ASB13: variants seen among roughly 807,000 people sequenced by gnomAD.
ASB13 encodes ankyrin repeat and SOCS box containing 13.
A neutral mutation model predicts 28.8 loss-of-function variants in ASB13; 33 were observed. The observed-to-expected ratio is 1.15, with a 90% confidence interval of 0.87 to 1.53. The LOEUF is 1.53. Ranked by LOEUF, ASB13 falls within the 40% of genes most tolerant of loss-of-function variation. The pLI is 0.00. For missense variants in ASB13, 414 were observed against 390.1 expected (o/e 1.06, Z -0.52); for synonymous variants, 182 against 172.9 (o/e 1.05, Z -0.41).
Position 5,641,715 on chromosome 10 carries a change from A to G in ASB13, c.709+55T>C. 2 of 1,509,164 alleles carry G rather than the reference A, an allele frequency of 1.3e-6. No individual in the cohort carries two copies. The highest frequency in any genetic ancestry group is 2.5e-5 in the East Asian group (1 of 40,650). The allele number at this position is 1,509,164 out of a possible 1,614,324, so 93.5% of individuals were successfully genotyped here. ...GAAGCCCACAGGGAGCCGGCACGTC[A>G]GGGGTCCAGGCTGAAGGCTGGAGGG... On this transcript the variant is annotated intron_variant, in intron 5 of 5. Coordinates refer to ENST00000357700, the MANE Select transcript of ASB13 (RefSeq NM_024701.4). The surrounding 1 kb of genome is among the most constrained non-coding windows in gnomAD (Gnocchi z 8.4).
chr10:5,641,527 G>T lies in ASB13; in HGVS notation c.709+243C>A, dbSNP rs896534853. On this transcript the variant is annotated intron_variant, in intron 5 of 5. Transcript: ENST00000357700. This position sits in a 1 kb window ranked among gnomAD's most constrained non-coding sequence, Gnocchi z 8.4. ...GTCCAGCACAGGAGGCACAGGTCTG[G>T]TGCCCGGGCAGGTGTCGGCCACAGC... Among the ~76,000 whole-genome samples, 3 of 152,230 alleles carry T rather than the reference G, an allele frequency of 2.0e-5. No homozygotes were observed. Among genetic ancestry groups the T allele is most frequent in the African/African-American group, 7.2e-5 (3 of 41,460 alleles).
rs1039734158 is a variant in ASB13 at position 5,645,632 on chromosome 10, G to A, written c.517+3338C>T. 3.9e-5 allele frequency among the ~76,000 whole-genome samples: 6 copies of A among 152,110 alleles called. 1 individual carries two copies. Among genetic ancestry groups the A allele is most frequent in the Admixed American group, 2.0e-4 (3 of 15,268 alleles). The stretch of plus-strand genomic sequence containing the variant: ...AAGCACCTGCACTCATGTGGGCCCC[G>A]ACTGGTTCAATCCCTCTCCCCTCTC... On this transcript the variant is annotated intron_variant, in intron 4 of 5. Transcript: ENST00000357700. This position sits in a 1 kb window ranked among gnomAD's most constrained non-coding sequence, Gnocchi z 5.4.
Position 5,640,626 on chromosome 10 carries a change from A to G in ASB13, c.*77T>C, listed in dbSNP as rs1834793439. ...CTATCTACAGCAATCACGCTGCTTC[A>G]GAGGAACAGGCAGAGCCCTCACCCG... On this transcript the variant is annotated 3_prime_UTR_variant, in exon 6 of 6. Coordinates refer to ENST00000357700, the MANE Select transcript of ASB13 (RefSeq NM_024701.4). The G allele has an allele frequency of 6.3e-7, 1 of 1,580,090 alleles. No individual in the cohort carries two copies.
At chr10:5,653,328 G>A (rs1216911421) in intron 1 of ASB13, among the ~76,000 whole-genome samples, 1 of 152,168 alleles carries the variant, frequency 6.6e-6, no homozygotes, top group Non-Finnish European at 1.5e-5. Flanking sequence ...AGGCACAGGT[G>A]CTCACCACTC....
chr10:5,654,745 T>A (rs953759666), intron 1 of ASB13, among the ~76,000 whole-genome samples: 1 of 152,184 alleles, frequency 6.6e-6, no homozygotes, highest in African/African-American at 2.4e-5. Flanking sequence ...CTTACTATTC[T>A]GACATGTCCC....
chr10:5,666,454 G>A, intron 1 of ASB13, 55 bp downstream of exon 1: 2 of 1,261,976 alleles, frequency 1.6e-6, no homozygotes, highest in Non-Finnish European at 2.0e-6. Context: ...TACGCGGCCG[G>A]CCTCAGGAGC....
Position 5,656,460 on chromosome 10 carries a change from A to G in ASB13, c.44-3410T>C, listed in dbSNP as rs1835078096. ...AGGCGGAGGCAGCAGAATCGCTTGA[A>G]CCCAGGAGGCGGAGATTGCAGTGAG... On this transcript the variant is annotated intron_variant, in intron 1 of 5. Transcript: ENST00000357700. This position sits in a 1 kb window ranked among gnomAD's most constrained non-coding sequence, Gnocchi z 4.3. 6.6e-6 allele frequency among the ~76,000 whole-genome samples: 1 copy of G among 151,590 alleles called. No homozygotes were observed. Among genetic ancestry groups the G allele is most frequent in the Non-Finnish European group, 1.5e-5 (1 of 67,972 alleles).
chr10:5,666,502 C>A lies in ASB13; in HGVS notation c.43+7G>T. On this transcript the variant is annotated splice_region_variant and intron_variant, in intron 1 of 5. Transcript: ENST00000357700. ...CTCGCTCTGACCTCCGCGGCGCCCG[C>A]ACGTACCCACGTCGCCCAGGAAGCA... 1 of 1,290,886 alleles carries A rather than the reference C, an allele frequency of 7.7e-7. No individual in the cohort carries two copies. The highest frequency in any genetic ancestry group is 9.9e-7 in the Non-Finnish European group (1 of 1,014,288). 80.0% of individuals were successfully genotyped at this position (1,290,886 alleles called of 1,614,324 possible).
At position 5,652,145 on chromosome 10, in the gene ASB13, C is replaced by T. The variant is rs1211851519; in HGVS notation, c.231+718G>A. Among the ~76,000 whole-genome samples, 2 of 151,540 alleles carry T rather than the reference C, an allele frequency of 1.3e-5. No individual in the cohort carries two copies. Among genetic ancestry groups the T allele is most frequent in the African/African-American group, 4.9e-5 (2 of 41,210 alleles). On this transcript the variant is annotated intron_variant, in intron 2 of 5. Coordinates refer to ENST00000357700, the MANE Select transcript of ASB13 (RefSeq NM_024701.4). The surrounding 1 kb of genome is among the most constrained non-coding windows in gnomAD (Gnocchi z 5.0). ...AGAAAGTCAGAGGCCAGGAAAAAGG[C>T]AACTCCCCAAATTGGCAAATTTTAT...
At position 5,664,685 on chromosome 10, in the gene ASB13, T is replaced by A. The variant is rs1038873148; in HGVS notation, c.43+1824A>T. On this transcript the variant is annotated intron_variant, in intron 1 of 5. Transcript: ENST00000357700. This position sits in a 1 kb window ranked among gnomAD's most constrained non-coding sequence, Gnocchi z 4.2. ...ATTTCTTTATTTCTTTATTTATTTATTTTATTTATTTTTGAGACGGAGTCT... is the reference window on the plus strand; with the variant it reads ...ATTTCTTTATTTCTTTATTTATTTAATTTATTTATTTTTGAGACGGAGTCT... Among the ~76,000 whole-genome samples the A allele has an allele frequency of 2.6e-5, 4 of 152,252 alleles. No homozygotes were observed. The highest frequency in any genetic ancestry group is 7.2e-5 in the African/African-American group (3 of 41,532).
In ASB13 at chr10:5,661,554, G is replaced by A. The variant is rs1301962847; in HGVS notation, c.43+4955C>T. On this transcript the variant is annotated intron_variant, in intron 1 of 5. Transcript: ENST00000357700. The surrounding 1 kb of genome is among the most constrained non-coding windows in gnomAD (Gnocchi z 4.9). The stretch of plus-strand genomic sequence containing the variant: ...CTGTCACCCAAGCTGAAGTGCAGTG[G>A]TGTGATCAGGGCTCACTGCAGCCTC... 6.6e-6 allele frequency among the ~76,000 whole-genome samples: 1 copy of A among 152,114 alleles called. No homozygotes were observed. Among genetic ancestry groups the A allele is most frequent in the African/African-American group, 2.4e-5 (1 of 41,436 alleles).
Position 5,649,518 on chromosome 10 carries a change from C to T in ASB13, c.383-414G>A, listed in dbSNP as rs953911745. Reference sequence around the variant, plus strand: ...TCATCCTCCTGTGCACCACGGCAGCCGCCTCTCCTGCCTCTTTTTTTTTTT... The same window carrying T: ...TCATCCTCCTGTGCACCACGGCAGCTGCCTCTCCTGCCTCTTTTTTTTTTT... On this transcript the variant is annotated intron_variant, in intron 3 of 5. Coordinates refer to ENST00000357700, the MANE Select transcript of ASB13 (RefSeq NM_024701.4). The surrounding 1 kb of genome is among the most constrained non-coding windows in gnomAD (Gnocchi z 6.4). Among the ~76,000 whole-genome samples, 20 of 151,660 alleles carry T rather than the reference C, an allele frequency of 1.3e-4. No individual in the cohort carries two copies. Among genetic ancestry groups the T allele is most frequent in the African/African-American group, 4.6e-4 (19 of 41,322 alleles).
In ASB13 at chr10:5,640,629, G is replaced by A; in HGVS notation, c.*74C>T. The A allele has an allele frequency of 6.3e-7, 1 of 1,586,170 alleles. No homozygotes were observed. The highest frequency in any genetic ancestry group is 1.7e-5 in the Admixed American group (1 of 59,456). On this transcript the variant is annotated 3_prime_UTR_variant, in exon 6 of 6. Coordinates refer to ENST00000357700, the MANE Select transcript of ASB13 (RefSeq NM_024701.4). Reference sequence around the variant, plus strand: ...TCTACAGCAATCACGCTGCTTCAGAGGAACAGGCAGAGCCCTCACCCGGGC... The same window carrying A: ...TCTACAGCAATCACGCTGCTTCAGAAGAACAGGCAGAGCCCTCACCCGGGC...
Position 5,646,173 on chromosome 10 carries a change from G to A in ASB13, c.517+2797C>T, listed in dbSNP as rs531363019. On this transcript the variant is annotated intron_variant, in intron 4 of 5. Transcript: ENST00000357700. ...AGCTGTGGGAACCCCACTTTAGGGC[G>A]ACAGTGGGCCTCACAGCTGCCCCTT... Among the ~76,000 whole-genome samples, 6 of 152,290 alleles carry A rather than the reference G, an allele frequency of 3.9e-5. No homozygotes were observed. In the South Asian group the frequency reaches 6.2e-4, roughly 16 times the overall value.
At chr10:5,648,268 TAAACACCCACGTGGGC>T (rs1329081600) in intron 4 of ASB13, among the ~76,000 whole-genome samples, 24 of 107,364 alleles carry the variant, frequency 2.2e-4, no homozygotes, top group African/African-American at 7.7e-4. Flanking sequence ...CCCACTCAGG[TAAACACCCACGTGGGC>T]AAACACCCAC....
chr10:5,662,117 C>T (rs1001869585), intron 1 of ASB13, among the ~76,000 whole-genome samples: 31 of 152,160 alleles, frequency 2.0e-4, no homozygotes, highest in African/African-American at 7.2e-4. Flanking sequence ...TCATCCTCAG[C>T]TCTCAGGGAA....
Position 5,645,196 on chromosome 10 carries a change from A to C in ASB13, c.518-3235T>G, listed in dbSNP as rs1385072411. 6.6e-6 allele frequency among the ~76,000 whole-genome samples: 1 copy of C among 152,194 alleles called. No homozygotes were observed. Among genetic ancestry groups the C allele is most frequent in the African/African-American group, 2.4e-5 (1 of 41,450 alleles). On this transcript the variant is annotated intron_variant, in intron 4 of 5. Coordinates refer to ENST00000357700, the MANE Select transcript of ASB13 (RefSeq NM_024701.4). This position sits in a 1 kb window ranked among gnomAD's most constrained non-coding sequence, Gnocchi z 5.4. Reference sequence around the variant, plus strand: ...AAGACTGGCACAATCCTGGAACATAAACACAAATAGCTCAATAGGTGCTTG... The same window carrying C: ...AAGACTGGCACAATCCTGGAACATACACACAAATAGCTCAATAGGTGCTTG...
rs773604844 is a variant in ASB13, at chr10:5,661,624, A to T, written c.43+4885T>A. Among the ~76,000 whole-genome samples the T allele has an allele frequency of 6.6e-6, 1 of 152,110 alleles. No homozygotes were observed. Among genetic ancestry groups the T allele is most frequent in the Non-Finnish European group, 1.5e-5 (1 of 68,034 alleles). On this transcript the variant is annotated intron_variant, in intron 1 of 5. Coordinates refer to ENST00000357700, the MANE Select transcript of ASB13 (RefSeq NM_024701.4). The surrounding 1 kb of genome is among the most constrained non-coding windows in gnomAD (Gnocchi z 4.9). ...ATCCTCCCACCTCAGCCTCCCAAGTAGCTGGGACTACAGGCCCATGCACCA... is the reference window on the plus strand; with the variant it reads ...ATCCTCCCACCTCAGCCTCCCAAGTTGCTGGGACTACAGGCCCATGCACCA...
chr10:5,647,615 G>C (rs10905842), intron 4 of ASB13, among the ~76,000 whole-genome samples: 28,620 of 152,124 alleles, frequency 0.19, 2,938 homozygotes, highest in Middle Eastern at 0.29. Context: ...CAGCTGTGGG[G>C]ACAGTGGCCT....
Sources: allele counts gnomAD v4.1 joint callset (sites outside exome capture counted in the v4.1 genomes callset), GRCh38; gene constraint gnomAD v4.1.1; non-coding constraint Gnocchi (gnomAD v3.1); transcripts MANE v1.5; gene names NCBI Gene and HGNC (gene_info 2026-07-23, HGNC 2026-07-21).